Variants in ZNF366 observed in about 807,000 individuals in gnomAD.
ZNF366 encodes dendritic cell-specific transcript protein.
In ZNF366, 20 loss-of-function variants were observed where a neutral mutation model predicts 47.2. The observed-to-expected ratio is 0.42, with a 90% CI of 0.30 to 0.62. The LOEUF is 0.62. Ranked by LOEUF, ZNF366 falls within the 20% of genes least tolerant of loss-of-function variation. The pLI, the probability that ZNF366 is intolerant of heterozygous loss-of-function variation, is 0.16. For synonymous variants in ZNF366, 421 were observed against 395.1 expected (o/e 1.07, Z -0.78); for missense variants, 987 against 976.3 (o/e 1.01, Z -0.15).
chr5:72,506,248 A>G (rs1414341492), intron 1 of ZNF366, among the ~76,000 whole-genome samples: 1 of 152,236 alleles, frequency 6.6e-6, no homozygotes, highest in African/African-American at 2.4e-5. Context: ...GAATTAAAGT[A>G]TTAATATTGG....
chr5:72,455,221 G>A (rs1743154788), intron 3 of ZNF366, among the ~76,000 whole-genome samples: 1 of 152,150 alleles, frequency 6.6e-6, no homozygotes, highest in South Asian at 2.1e-4. Flanking sequence ...GTCTAGGGAA[G>A]CTCTGGTGTC....
At chr5:72,495,328 C>A (rs77789504) in intron 1 of ZNF366, among the ~76,000 whole-genome samples, 7,234 of 152,072 alleles carry the variant, frequency 0.048, 515 homozygotes, top group African/African-American at 0.15. Context: ...TAATTCCTAC[C>A]CAAAGAGGGG....
At chr5:72,453,768 G>C (rs965251757) in intron 3 of ZNF366, among the ~76,000 whole-genome samples, 2 of 152,252 alleles carry the variant, frequency 1.3e-5, no homozygotes, top group Admixed American at 1.3e-4. Context: ...GACCCTGACT[G>C]TATGCTTTGA....
At chr5:72,466,567 T>C (rs1412754963) in intron 1 of ZNF366, among the ~76,000 whole-genome samples, 1 of 152,230 alleles carries the variant, frequency 6.6e-6, no homozygotes, top group African/African-American at 2.4e-5. Flanking sequence ...GGACTGGATC[T>C]GTTTTATTCA....
chr5:72,467,886 A>T (rs964083171), intron 1 of ZNF366, among the ~76,000 whole-genome samples: 7 of 152,128 alleles, frequency 4.6e-5, no homozygotes, highest in African/African-American at 1.7e-4. Context: ...GTCAAGGAAA[A>T]TAGTGAGAAT....
Position 72,460,279 on chromosome 5 carries a change from G to C in ZNF366, c.1218C>G (p.Ser406Arg). ...SECDKTFQYP[S>R]QLQNHMMKHK... ...GCTTCATCATGTGGTTCTGCAGCTG[G>C]CTCGGGTACTGGAAGGTCTTGTCGC... The change falls in exon 2 of 5, where the codon AGC (serine) becomes AGG (arginine). Residue 406 changes from serine to arginine, a missense_variant. Physicochemically the swap from Ser to Arg is moderately radical, Grantham distance 110. This residue lies in a region of ZNF366 where 591 missense variants were observed against 560.9 expected (regional missense o/e 1.05). Transcript: ENST00000318442. 6.2e-7 allele frequency: 1 copy of C among 1,614,222 alleles called. No individual in the cohort carries two copies. Among genetic ancestry groups the C allele is most frequent in the Non-Finnish European group, 8.5e-7 (1 of 1,180,024 alleles).
chr5:72,492,438 T>C (rs1430285898), intron 1 of ZNF366, among the ~76,000 whole-genome samples: 1 of 152,174 alleles, frequency 6.6e-6, no homozygotes, highest in African/African-American at 2.4e-5. Flanking sequence ...TTTTCTTCAT[T>C]GGCCCATGTG....
At chr5:72,485,311 G>A (rs1743871508) in intron 1 of ZNF366, among the ~76,000 whole-genome samples, 1 of 152,122 alleles carries the variant, frequency 6.6e-6, no homozygotes, top group Admixed American at 6.5e-5. Context: ...TCACTATTGT[G>A]CCTGCCCCAT....
At chr5:72,462,507 T>TTTTCTTTCTTTCTTTATTTCTTTC (rs1743336269) in intron 1 of ZNF366, among the ~76,000 whole-genome samples, 2 of 82,462 alleles carry the variant, frequency 2.4e-5, no homozygotes, top group Admixed American at 1.2e-4. Flanking sequence ...TCCTTGCCAG[T>TTTTCTTTCTTTCTTTATTTCTTTC]TTTCTTTCTT....
At chr5:72,456,312 C>T in intron 3 of ZNF366, 92 bp downstream of exon 3, 2 of 1,413,702 alleles carry the variant, frequency 1.4e-6, no homozygotes, top group Non-Finnish European at 1.9e-6. Context: ...CCCGTAGCCC[C>T]ACTGATGAAA....
At chr5:72,491,395 G>A (rs762560258) in intron 1 of ZNF366, among the ~76,000 whole-genome samples, 1 of 152,184 alleles carries the variant, frequency 6.6e-6, no homozygotes, top group Non-Finnish European at 1.5e-5. Context: ...TGAGCACCTA[G>A]CATGGCCAGC....
At chr5:72,465,027 T>C (rs1743401892) in intron 1 of ZNF366, among the ~76,000 whole-genome samples, 1 of 151,850 alleles carries the variant, frequency 6.6e-6, no homozygotes. Context: ...CACTGCACTC[T>C]AGTCTGGGTG....
intron 1 of ZNF366, among the ~76,000 whole-genome samples, chr5:72,499,345 A>T (rs1744165569): frequency 2.0e-5 from 3 of 152,200 alleles, no homozygotes; most frequent in African/African-American, 7.2e-5. Context: ...TGCTGGGAAT[A>T]GTCCCTCCTT....
chr5:72,480,490 CCT>C lies in ZNF366; in HGVS notation c.-14-18982_-14-18981del, dbSNP rs1445840142. ...GTACTCCATGCTTCCCCACAATCCC[CCT>C]GTCTTGGTGGAGTAACAGGTTGATT... On this transcript the variant is annotated intron_variant, in intron 1 of 4. Transcript: ENST00000318442. 5.9e-5 allele frequency among the ~76,000 whole-genome samples: 9 copies of C among 152,062 alleles called. No homozygotes were observed. The East Asian group carries it at 1.3e-3, about 23-fold the overall frequency.
In ZNF366 at chr5:72,442,319, C is replaced by T. The variant is rs895130217; in HGVS notation, c.*1437G>A. 1.3e-5 allele frequency: 2 copies of T among 152,168 alleles called. No homozygotes were observed. The highest frequency in any genetic ancestry group is 2.9e-5 in the Non-Finnish European group (2 of 68,042). 9.4% of individuals were successfully genotyped at this position (152,168 alleles called of 1,614,324 possible). ...TCTATTTTAGTCCCCTCAATCTTCT[C>T]AATCTTGGCTGCACATAAGAATTGC... is the stretch of plus-strand genomic sequence containing the variant. On this transcript the variant is annotated 3_prime_UTR_variant, in exon 5 of 5. Transcript: ENST00000318442.
intron 1 of ZNF366, among the ~76,000 whole-genome samples, chr5:72,485,244 G>A (rs1467156870): frequency 2.0e-5 from 3 of 152,180 alleles, no homozygotes; most frequent in Non-Finnish European, 4.4e-5. Context: ...TTCACTTAAT[G>A]TCTGACTCTC....
chr5:72,486,862 C>A (rs1196402957), intron 1 of ZNF366, among the ~76,000 whole-genome samples: 1 of 152,038 alleles, frequency 6.6e-6, no homozygotes, highest in African/African-American at 2.4e-5. Context: ...ACTGCAACCT[C>A]TGCATCCCGG....
chr5:72,463,185 A>T (rs1316393401), intron 1 of ZNF366, among the ~76,000 whole-genome samples: 1 of 152,218 alleles, frequency 6.6e-6, no homozygotes, highest in Non-Finnish European at 1.5e-5. Flanking sequence ...CGAGTCGGAT[A>T]CAGCTTTTAC....
At chr5:72,503,899 G>A (rs1273664754) in intron 1 of ZNF366, among the ~76,000 whole-genome samples, 1 of 152,214 alleles carries the variant, frequency 6.6e-6, no homozygotes, top group Non-Finnish European at 1.5e-5. Context: ...GCTGTTGTGT[G>A]TTTTGCTTTT....
Sources: gnomAD v4.1 joint callset for allele counts (sites outside exome capture counted in the v4.1 genomes callset) on GRCh38, gnomAD v4.1.1 for gene constraint, gnomAD v4.1.1 regional missense constraint, MANE v1.5 for transcripts, NCBI Gene and HGNC (gene_info 2026-07-23, HGNC 2026-07-21) for gene names.